The following BCLAF3 variants were observed in gnomAD, a reference collection of about 807,000 sequenced individuals.
BCLAF3 encodes the protein transient octamer binding factor 1.
In BCLAF3, 24 loss-of-function variants were observed where a neutral mutation model predicts 51.2. The ratio of observed to expected loss-of-function variants is 0.47; its 90% CI spans 0.34 to 0.66. The LOEUF is 0.66. BCLAF3 is among the 30% of genes least tolerant of loss of function. The pLI, the probability that BCLAF3 is intolerant of heterozygous loss-of-function variation, is 0.01. For missense variants in BCLAF3, 465 were observed against 525.1 expected, an observed-to-expected ratio of 0.89 and a Z score of 1.12; for synonymous variants, 152 against 176.6, an observed-to-expected ratio of 0.86 and a Z score of 1.10.
At chrX:19,928,684 T>C (rs1305084787) in intron 11 of BCLAF3, among the ~76,000 whole-genome samples, 1 of 111,680 alleles carries the variant, frequency 9.0e-6, no homozygotes, top group East Asian at 2.8e-4. Flanking sequence ...TCAACCTCAG[T>C]ATCAACGGCT....
chrX:19,986,796 G>T (rs1217960113), intron 1 of BCLAF3, among the ~76,000 whole-genome samples: 6 of 91,170 alleles, frequency 6.6e-5, no homozygotes, highest in South Asian at 5.1e-4. Context: ...ACTTGAGTCG[G>T]TTTTTTTTTT....
chrX:19,976,579 C>G (rs1238593698), intron 1 of BCLAF3, among the ~76,000 whole-genome samples: 1 of 110,893 alleles, frequency 9.0e-6, no homozygotes, highest in African/African-American at 3.3e-5. Flanking sequence ...TTAGTAGAGA[C>G]GAGGTTTCAC....
At chrX:19,973,353 G>T (rs1309087022) in intron 1 of BCLAF3, among the ~76,000 whole-genome samples, 2 of 111,607 alleles carry the variant, frequency 1.8e-5, no homozygotes, top group African/African-American at 3.3e-5. Flanking sequence ...AAAATCAGCT[G>T]TGTACACTAA....
intron 1 of BCLAF3, among the ~76,000 whole-genome samples, chrX:19,978,379 A>G (rs1341668199): frequency 9.0e-6 from 1 of 111,112 alleles, no homozygotes; most frequent in African/African-American, 3.3e-5. Flanking sequence ...GTTGATTCCA[A>G]CTCTCACGGA....
At chrX:19,975,175 T>G (rs1276724258) in intron 1 of BCLAF3, among the ~76,000 whole-genome samples, 1 of 109,782 alleles carries the variant, frequency 9.1e-6, no homozygotes, top group Non-Finnish European at 1.9e-5. Context: ...AGCTGCTTGA[T>G]AGATAAGAGA....
At position 19,914,890 on chromosome X, in the gene BCLAF3, G is replaced by C. The variant is rs1427237207; in HGVS notation, c.*2415C>G. 1.8e-5 allele frequency: 2 copies of C among 111,741 alleles called. No individual in the cohort carries two copies. The highest frequency in any genetic ancestry group is 1.9e-4 in the Admixed American group (2 of 10,446). The allele number at this position is 111,741 out of a possible 1,213,427, so 9.2% of individuals were successfully genotyped here. ...GACGAGGGGATGCTGAATCAGAAAT[G>C]TCAACTTTCCTCTCAACCTTTTGTA... On this transcript the variant is annotated 3_prime_UTR_variant, in exon 12 of 12. Coordinates refer to ENST00000379682, the MANE Select transcript of BCLAF3 (RefSeq NM_001367774.2).
intron 11 of BCLAF3, among the ~76,000 whole-genome samples, chrX:19,927,405 G>A (rs755559089): frequency 4.9e-4 from 55 of 111,475 alleles, no homozygotes; most frequent in Non-Finnish European, 7.5e-4. Flanking sequence ...CTACTCATCC[G>A]TCTTTTGAAA....
rs2069932565 is a variant in BCLAF3, at chrX:19,916,110, T to C, written c.*1195A>G. 8.9e-6 allele frequency: 1 copy of C among 112,223 alleles called. No homozygotes were observed. The highest frequency in any genetic ancestry group is 1.9e-5 in the Non-Finnish European group (1 of 53,198). The allele number at this position is 112,223 out of a possible 1,213,427, so 9.2% of individuals were successfully genotyped here. A position where few individuals can be genotyped will look rare whatever the true frequency, so the allele number is the denominator to read the frequency against. On this transcript the variant is annotated 3_prime_UTR_variant, in exon 12 of 12. Coordinates refer to ENST00000379682, the MANE Select transcript of BCLAF3 (RefSeq NM_001367774.2). ...CCAGTCATGAAAAACCAAGTTCTTA[T>C]CAACCTTCACATTTTAATTTTGAAA...
rs2072067012 is a variant in BCLAF3 at position 19,966,590 on chromosome X, T to C, written c.101A>G (p.His34Arg). The change falls in exon 3 of 12, where the codon CAT (histidine) becomes CGT (arginine). Residue 34 changes from histidine (H) to arginine (R), a missense_variant. By Grantham distance (29) the His-to-Arg change is conservative. Coordinates refer to ENST00000379682, the MANE Select transcript of BCLAF3 (RefSeq NM_001367774.2). ...EHYKQRHSHG[H>R]YGCEYRKDPK... ...ATCCTTCCTATATTCACAGCCATAATGCCCGTGTGAATGTCTTTGCTTGTA... is the reference window on the plus strand; with the variant it reads ...ATCCTTCCTATATTCACAGCCATAACGCCCGTGTGAATGTCTTTGCTTGTA... 1 of 1,209,227 alleles carries C rather than the reference T, an allele frequency of 8.3e-7. No individual in the cohort carries two copies. Among genetic ancestry groups the C allele is most frequent in the African/African-American group, 1.8e-5 (1 of 56,959 alleles).
Position 19,966,495 on chromosome X carries a change from G to T in BCLAF3, c.196C>A (p.Arg66Ser). Residue 66 changes from arginine to serine, a missense_variant, in exon 3 of 12, where the codon CGT becomes AGT. Arg to Ser is a moderately radical substitution (Grantham distance 110). Coordinates refer to ENST00000379682, the MANE Select transcript of BCLAF3 (RefSeq NM_001367774.2). Reference protein sequence around the residue: ...HGQSKPRIPSRGNIYYQSYEH... With the variant: ...HGQSKPRIPSSGNIYYQSYEH... ...TAAGACTGGTAATATATATTTCCACGAGAGGGAATCCTTGGTTTACTCTGT... is the reference window on the plus strand; with the variant it reads ...TAAGACTGGTAATATATATTTCCACTAGAGGGAATCCTTGGTTTACTCTGT... The T allele has an allele frequency of 8.3e-7, 1 of 1,211,056 alleles. No individual in the cohort carries two copies. The highest frequency in any genetic ancestry group is 1.8e-5 in the South Asian group (1 of 56,966).
intron 11 of BCLAF3, among the ~76,000 whole-genome samples, chrX:19,926,056 T>A (rs1238505882): frequency 8.9e-6 from 1 of 111,790 alleles, no homozygotes; most frequent in East Asian, 2.8e-4. Context: ...TGGCTCTGGC[T>A]TGCTTGCAGG....
At chrX:19,926,434 C>T (rs983676784) in intron 11 of BCLAF3, among the ~76,000 whole-genome samples, 11 of 111,106 alleles carry the variant, frequency 9.9e-5, no homozygotes, top group Non-Finnish European at 1.5e-4. Flanking sequence ...TGCTGTGAAG[C>T]GGGGCTGGTG....
At chrX:19,952,300 A>G (rs907128400) in intron 7 of BCLAF3, among the ~76,000 whole-genome samples, 6 of 111,564 alleles carry the variant, frequency 5.4e-5, no homozygotes, top group African/African-American at 1.3e-4. Context: ...TCTATCAGAA[A>G]TGTATTAAAA....
intron 4 of BCLAF3, among the ~76,000 whole-genome samples, 184 bp from the exon 5 acceptor site, chrX:19,955,750 C>T (rs1221598741): frequency 9.0e-6 from 1 of 111,539 alleles, no homozygotes; most frequent in African/African-American, 3.3e-5. Flanking sequence ...AGATACATGG[C>T]TCTGAGTTCT....
chrX:19,951,861 G>A (rs1182996559), intron 7 of BCLAF3, among the ~76,000 whole-genome samples: 1 of 111,125 alleles, frequency 9.0e-6, no homozygotes, highest in Non-Finnish European at 1.9e-5. Context: ...CCAGGAGGTC[G>A]AGGCTGCAGT....
intron 11 of BCLAF3, among the ~76,000 whole-genome samples, chrX:19,927,233 T>TA (rs2070388983): frequency 9.1e-6 from 1 of 110,371 alleles, no homozygotes; most frequent in Admixed American, 9.8e-5. Context: ...ATCTCAAAAA[T>TA]AAATAAATAA....
At chrX:19,926,204 A>G (rs1032736954) in intron 11 of BCLAF3, among the ~76,000 whole-genome samples, 4 of 111,736 alleles carry the variant, frequency 3.6e-5, no homozygotes, top group African/African-American at 1.3e-4. Flanking sequence ...AATTTAAAAA[A>G]AAATCCAGTG....
chrX:19,983,866 C>T (rs1004409883), intron 1 of BCLAF3, among the ~76,000 whole-genome samples: 16 of 108,623 alleles, frequency 1.5e-4, no homozygotes, highest in Admixed American at 1.4e-3. Context: ...GTCAGGAGTT[C>T]GAGACCAGCC....
At chrX:19,940,496 C>G (rs2070979990) in intron 8 of BCLAF3, among the ~76,000 whole-genome samples, 1 of 110,393 alleles carries the variant, frequency 9.1e-6, no homozygotes, top group African/African-American at 3.3e-5. Context: ...GTTCAATTCC[C>G]ACCTATGAGT....
Sources: gnomAD v4.1 joint callset for allele counts (sites outside exome capture counted in the v4.1 genomes callset) on GRCh38, gnomAD v4.1.1 for gene constraint, MANE v1.5 for transcripts, NCBI Gene and HGNC (gene_info 2026-07-23, HGNC 2026-07-21) for gene names.